The following PTPRD variants were observed in gnomAD, a reference collection of about 807,000 sequenced individuals.
PTPRD encodes the protein receptor-type tyrosine-protein phosphatase delta.
In PTPRD, 34 loss-of-function variants were observed where a neutral mutation model predicts 214.5. That is an observed-to-expected ratio of 0.16 (90% confidence interval 0.12 to 0.21). PTPRD has a LOEUF of 0.21. Among genes scored for constraint, PTPRD ranks in the 10% least tolerant of loss-of-function variants. The pLI is 1.00. For missense variants in PTPRD, 2,545 were observed against 2,398.7 expected, an observed-to-expected ratio of 1.06 and a Z score of -1.27; for synonymous variants, 1,128 against 845.7, an observed-to-expected ratio of 1.33 and a Z score of -5.79.
intron 2 of PTPRD, among the ~76,000 whole-genome samples, chr9:10,443,138 T>C (rs2098772669): frequency 6.6e-6 from 1 of 150,790 alleles, no homozygotes; most frequent in African/African-American, 2.4e-5. Flanking sequence ...TTATTAGAGA[T>C]AGAGTCATGT....
At chr9:9,481,774 T>C (rs2095424547) in intron 8 of PTPRD, among the ~76,000 whole-genome samples, 1 of 152,140 alleles carries the variant, frequency 6.6e-6, no homozygotes, top group Non-Finnish European at 1.5e-5. Context: ...AGAAGAGGGC[T>C]AGGCCAAGAG....
chr9:10,410,304 A>G (rs2098421298), intron 2 of PTPRD, among the ~76,000 whole-genome samples: 2 of 137,210 alleles, frequency 1.5e-5, no homozygotes, highest in South Asian at 4.8e-4. Context: ...TATATATAAT[A>G]TATATATAAA....
chr9:9,498,517 A>T (rs2096281012), intron 8 of PTPRD, among the ~76,000 whole-genome samples: 1 of 152,146 alleles, frequency 6.6e-6, no homozygotes, highest in Non-Finnish European at 1.5e-5. Context: ...CATTTCAGTA[A>T]ACAGTATTTA....
chr9:8,934,467 A>T lies in PTPRD; in HGVS notation c.-104+84230T>A, dbSNP rs1170407584. Among the ~76,000 whole-genome samples the T allele has an allele frequency of 4.1e-3, 25 of 6,168 alleles. 4 individuals carry two copies. The highest frequency in any genetic ancestry group is 0.02 in the East Asian group (4 of 202). 4.0% of individuals were successfully genotyped at this position (6,168 alleles called of 152,430 possible). A position where few individuals can be genotyped will look rare whatever the true frequency, so the allele number is the denominator to read the frequency against. Reference sequence around the variant, plus strand: ...TATATAAATTTATATATATATAAATATATATATATAAATATATATATATAT... The same window carrying T: ...TATATAAATTTATATATATATAAATTTATATATATAAATATATATATATAT... On this transcript the variant is annotated intron_variant, in intron 11 of 45. Coordinates refer to ENST00000381196, the MANE Select transcript of PTPRD (RefSeq NM_002839.4).
chr9:8,758,357 C>T (rs8181076), intron 11 of PTPRD, among the ~76,000 whole-genome samples: 104,474 of 152,004 alleles, frequency 0.69, 35,928 homozygotes, highest in Middle Eastern at 0.76. Flanking sequence ...CTTAAGGCAT[C>T]AGGGCTGAAC....
chr9:8,762,816 G>C (rs146499394), intron 11 of PTPRD, among the ~76,000 whole-genome samples: 2 of 152,300 alleles, frequency 1.3e-5, no homozygotes, highest in African/African-American at 4.8e-5. Flanking sequence ...ATATAGATAA[G>C]TGAGCCAGTA....
chr9:9,719,680 G>A (rs1335171260), intron 7 of PTPRD, among the ~76,000 whole-genome samples: 1 of 152,198 alleles, frequency 6.6e-6, no homozygotes, highest in African/African-American at 2.4e-5. Flanking sequence ...GCGGTGAGGG[G>A]AGAAGGGCTG....
intron 2 of PTPRD, among the ~76,000 whole-genome samples, chr9:10,387,648 G>C (rs902631255): frequency 6.6e-6 from 1 of 151,608 alleles, no homozygotes; most frequent in Non-Finnish European, 1.5e-5. Flanking sequence ...CATACTTTGT[G>C]TCATTGTACA....
intron 11 of PTPRD, among the ~76,000 whole-genome samples, chr9:8,929,556 A>T (rs541649815): frequency 9.9e-5 from 15 of 151,736 alleles, no homozygotes; most frequent in Middle Eastern, 3.4e-3. Context: ...ATCGTGGTAG[A>T]TAAGCTTTTT....
Position 10,221,287 on chromosome 9 carries a change from G to A in PTPRD, c.-545+119676C>T, listed in dbSNP as rs888246592. ...CAGATACAAACATATTCATGCTCACGTGCGCGTGCACACACACATATACGC... is the reference window on the plus strand; with the variant it reads ...CAGATACAAACATATTCATGCTCACATGCGCGTGCACACACACATATACGC... On this transcript the variant is annotated intron_variant, in intron 3 of 45. Transcript: ENST00000381196. Among the ~76,000 whole-genome samples the A allele has an allele frequency of 3.9e-5, 6 of 151,922 alleles. No homozygotes were observed. The South Asian group carries it at 8.3e-4, about 21-fold the overall frequency.
At chr9:9,259,768 G>A (rs1000555424) in intron 9 of PTPRD, among the ~76,000 whole-genome samples, 1 of 151,884 alleles carries the variant, frequency 6.6e-6, no homozygotes, top group Non-Finnish European at 1.5e-5. Context: ...GGAGAAGAAA[G>A]GTTTGGAGAA....
At chr9:10,005,956 T>C (rs998154525) in intron 4 of PTPRD, among the ~76,000 whole-genome samples, 3 of 151,896 alleles carry the variant, frequency 2.0e-5, no homozygotes, top group African/African-American at 7.3e-5. Flanking sequence ...AATTCTAAAA[T>C]CTAAACTGAA....
At chr9:9,464,877 C>A (rs986499772) in intron 8 of PTPRD, among the ~76,000 whole-genome samples, 3 of 152,118 alleles carry the variant, frequency 2.0e-5, no homozygotes, top group Non-Finnish European at 4.4e-5. Flanking sequence ...CTAGGCTTAA[C>A]CTTATGGGAT....
At position 8,507,293 on chromosome 9, in the gene PTPRD, A is replaced by T. The variant is rs780120690; in HGVS notation, c.1677+8T>A. On this transcript the variant is annotated splice_region_variant and intron_variant, in intron 22 of 45. Transcript: ENST00000381196. ...TAATTCCCAAGGTGAGAAGCACTAT[A>T]GTCTTACCTCCTCTCCATGCTCCCC... The T allele has an allele frequency of 2.5e-6, 4 of 1,613,192 alleles. No homozygotes were observed. The highest frequency in any genetic ancestry group is 2.7e-5 in the African/African-American group (2 of 74,900).
intron 14 of PTPRD, among the ~76,000 whole-genome samples, chr9:8,562,492 A>G (rs891956654): frequency 2.6e-5 from 4 of 151,554 alleles, no homozygotes; most frequent in Non-Finnish European, 4.4e-5. Flanking sequence ...GCTGGTGTGC[A>G]GTGGTGCAAT....
At chr9:8,767,073 T>C (rs2094812389) in intron 11 of PTPRD, among the ~76,000 whole-genome samples, 1 of 152,132 alleles carries the variant, frequency 6.6e-6, no homozygotes, top group Non-Finnish European at 1.5e-5. Context: ...AAAACCAAAA[T>C]GAAGAACCGC....
At chr9:10,256,315 T>C (rs944474732) in intron 3 of PTPRD, among the ~76,000 whole-genome samples, 1 of 151,480 alleles carries the variant, frequency 6.6e-6, no homozygotes, top group Non-Finnish European at 1.5e-5. Context: ...TCTTCGGGGG[T>C]AATAACACAC....
At chr9:9,811,636 G>T (rs555530045) in intron 5 of PTPRD, among the ~76,000 whole-genome samples, 1 of 152,272 alleles carries the variant, frequency 6.6e-6, no homozygotes, top group South Asian at 2.1e-4. Context: ...GAACACAGGA[G>T]GTGGAGTTTG....
At chr9:8,453,530 C>T (rs1173103941) in intron 33 of PTPRD, among the ~76,000 whole-genome samples, 1 of 152,068 alleles carries the variant, frequency 6.6e-6, no homozygotes, top group African/African-American at 2.4e-5. Context: ...CAAAAACAAA[C>T]TATTTTGCAC....
Sources: allele counts gnomAD v4.1 joint callset (sites outside exome capture counted in the v4.1 genomes callset), GRCh38; gene constraint gnomAD v4.1.1; transcripts MANE v1.5; gene names NCBI Gene and HGNC (gene_info 2026-07-23, HGNC 2026-07-21).